The following UBE2E2 variants were observed in gnomAD, a reference collection of about 807,000 sequenced individuals.
The protein encoded by UBE2E2 is ubiquitin-conjugating enzyme E2 E2.
Under a neutral mutation model 24.7 loss-of-function variants are expected in UBE2E2, and 6 were observed. That is an observed-to-expected ratio of 0.24 (90% CI 0.13 to 0.48). UBE2E2 has a LOEUF of 0.48. Among genes scored for constraint, UBE2E2 ranks in the 20% least tolerant of loss-of-function variants. UBE2E2 has a pLI of 0.99. For synonymous variants in UBE2E2, 104 were observed against 83.6 expected (o/e 1.24, Z -1.33); for missense variants, 169 against 245.0 (o/e 0.69, Z 2.07).
intron 3 of UBE2E2, among the ~76,000 whole-genome samples, chr3:23,342,627 C>T (rs1307436573): frequency 2.0e-5 from 3 of 151,990 alleles, no homozygotes; most frequent in Non-Finnish European, 4.4e-5. Flanking sequence ...TTGTAGTTGG[C>T]TTTATTATTT....
chr3:23,565,829 T>A (rs950657053), intron 5 of UBE2E2, among the ~76,000 whole-genome samples: 1 of 152,192 alleles, frequency 6.6e-6, no homozygotes, highest in Non-Finnish European at 1.5e-5. Flanking sequence ...TGATAAGCGC[T>A]TCTGCCACCT....
chr3:23,317,406 T>C (rs1168999690), intron 3 of UBE2E2, among the ~76,000 whole-genome samples: 3 of 152,188 alleles, frequency 2.0e-5, no homozygotes, highest in Admixed American at 2.0e-4. Context: ...TGGTGTGCTC[T>C]CCGTCCCCCA....
At chr3:23,441,981 G>A (rs1048687625) in intron 3 of UBE2E2, among the ~76,000 whole-genome samples, 2 of 152,090 alleles carry the variant, frequency 1.3e-5, no homozygotes, top group South Asian at 4.1e-4. Flanking sequence ...TTAAATTGAA[G>A]TTCCCTAGTG....
chr3:23,352,041 C>A (rs891865600), intron 3 of UBE2E2, among the ~76,000 whole-genome samples: 4 of 152,162 alleles, frequency 2.6e-5, no homozygotes, highest in Admixed American at 1.3e-4. Context: ...GTCTCTCAGA[C>A]CTCAGTGCAA....
chr3:23,278,237 A>G (rs1698412536), intron 3 of UBE2E2, among the ~76,000 whole-genome samples: 1 of 152,122 alleles, frequency 6.6e-6, no homozygotes, highest in Admixed American at 6.6e-5. Context: ...TATGAAAAAC[A>G]GTATTTATTA....
chr3:23,214,348 G>A (rs1193170750), intron 2 of UBE2E2, among the ~76,000 whole-genome samples: 5 of 151,946 alleles, frequency 3.3e-5, no homozygotes, highest in Non-Finnish European at 1.5e-5. Context: ...CAAATTCCTG[G>A]GCTCAAGTGA....
At chr3:23,357,760 T>G (rs1273015616) in intron 3 of UBE2E2, among the ~76,000 whole-genome samples, 1 of 152,186 alleles carries the variant, frequency 6.6e-6, no homozygotes, top group South Asian at 2.1e-4. Flanking sequence ...ATCTGACTCC[T>G]TATTATTTAT....
intron 3 of UBE2E2, among the ~76,000 whole-genome samples, chr3:23,385,766 G>C (rs966405391): frequency 2.0e-5 from 3 of 152,184 alleles, no homozygotes; most frequent in African/African-American, 7.2e-5. Context: ...TCAGCTTCTT[G>C]TACTGGCTTC....
At chr3:23,487,580 C>T (rs939822430) in intron 3 of UBE2E2, among the ~76,000 whole-genome samples, 1 of 152,204 alleles carries the variant, frequency 6.6e-6, no homozygotes, top group Non-Finnish European at 1.5e-5. Flanking sequence ...GAGCCAGGCA[C>T]TGTTCTAGGC....
At chr3:23,242,975 A>G (rs1488151333) in intron 3 of UBE2E2, among the ~76,000 whole-genome samples, 1 of 152,000 alleles carries the variant, frequency 6.6e-6, no homozygotes, top group Non-Finnish European at 1.5e-5. Flanking sequence ...GATCCCAGCT[A>G]CTTGGGAGGC....
chr3:23,440,204 T>C (rs1698273927), intron 3 of UBE2E2, among the ~76,000 whole-genome samples: 1 of 151,810 alleles, frequency 6.6e-6, no homozygotes, highest in African/African-American at 2.4e-5. Context: ...AACTCAGGGG[T>C]CGGAGGTTGC....
intron 3 of UBE2E2, among the ~76,000 whole-genome samples, chr3:23,344,368 A>G (rs1284567242): frequency 1.3e-5 from 2 of 152,142 alleles, no homozygotes; most frequent in African/African-American, 2.4e-5. Flanking sequence ...CCGAAGGCTC[A>G]TGTGAAAAAG....
intron 3 of UBE2E2, among the ~76,000 whole-genome samples, chr3:23,310,117 G>C (rs1694330281): frequency 6.6e-6 from 1 of 152,070 alleles, no homozygotes. Flanking sequence ...AGAATTCATG[G>C]ATATATTTAA....
At chr3:23,539,523 AGTGTT>A (rs983055755) in intron 5 of UBE2E2, among the ~76,000 whole-genome samples, 1 of 152,186 alleles carries the variant, frequency 6.6e-6, no homozygotes, top group African/African-American at 2.4e-5. Flanking sequence ...AAGAAAATAC[AGTGTT>A]GTGTTTATCA....
chr3:23,439,745 G>A (rs1271823034), intron 3 of UBE2E2, among the ~76,000 whole-genome samples: 1 of 152,046 alleles, frequency 6.6e-6, no homozygotes, highest in South Asian at 2.1e-4. Flanking sequence ...ATGTATTTAA[G>A]TAGTTTAAAC....
chr3:23,547,341 C>G (rs1015421438), intron 5 of UBE2E2, among the ~76,000 whole-genome samples: 8 of 152,178 alleles, frequency 5.3e-5, no homozygotes, highest in Non-Finnish European at 1.0e-4. Flanking sequence ...GTCTTTTCCA[C>G]CATTTAAAAT....
intron 4 of UBE2E2, among the ~76,000 whole-genome samples, chr3:23,510,281 AAGTC>A (rs748007266): frequency 4.6e-5 from 7 of 152,170 alleles, no homozygotes; most frequent in Non-Finnish European, 8.8e-5. Flanking sequence ...AGGAGAAACA[AAGTC>A]AGACAGTCAA....
chr3:23,442,027 T>C (rs1698317884), intron 3 of UBE2E2, among the ~76,000 whole-genome samples: 1 of 152,204 alleles, frequency 6.6e-6, no homozygotes, highest in African/African-American at 2.4e-5. Flanking sequence ...ATTTTAGTTC[T>C]GTGACTTTTA....
chr3:23,421,636 G>A (rs1275253758), intron 3 of UBE2E2, among the ~76,000 whole-genome samples: 1 of 151,830 alleles, frequency 6.6e-6, no homozygotes, highest in Admixed American at 6.6e-5. Flanking sequence ...TCGAACTCCT[G>A]ACCTCATGAC....
Sources: allele counts gnomAD v4.1 joint callset (sites outside exome capture counted in the v4.1 genomes callset), GRCh38; gene constraint gnomAD v4.1.1; transcripts MANE v1.5; gene names NCBI Gene and HGNC (gene_info 2026-07-23, HGNC 2026-07-21).